PTPRE: variants seen among roughly 807,000 people sequenced by gnomAD.
PTPRE encodes receptor-type tyrosine-protein phosphatase epsilon.
Under a neutral mutation model 102.0 loss-of-function variants are expected in PTPRE, and 51 were observed. The ratio of observed to expected loss-of-function variants is 0.50; its 90% CI spans 0.40 to 0.63. The LOEUF is 0.63. PTPRE is among the 30% of genes least tolerant of loss of function. The pLI is 0.00. For missense variants in PTPRE, 752 were observed against 915.1 expected, an observed-to-expected ratio of 0.82 and a Z score of 2.30; for synonymous variants, 345 against 348.2, an observed-to-expected ratio of 0.99 and a Z score of 0.10.
intron 6 of PTPRE, among the ~76,000 whole-genome samples, chr10:128,050,174 A>ATGGGTGGG (rs1402522172): frequency 7.1e-5 from 1 of 14,180 alleles, no homozygotes; most frequent in Admixed American, 1.4e-3. Flanking sequence ...GTGTATCAAC[A>ATGGGTGGG]TGGGTGGGTG....
intron 2 of PTPRE, among the ~76,000 whole-genome samples, chr10:127,985,642 A>G (rs1356133482): frequency 6.6e-6 from 1 of 152,218 alleles, no homozygotes; most frequent in Admixed American, 6.5e-5. Flanking sequence ...TACTCTTATT[A>G]TGATCATCAT....
rs1258729815 is a variant in PTPRE, at chr10:127,907,865, CG to C, written c.-31+561del. The stretch of plus-strand genomic sequence containing the variant: ...AGGTGGAGCGGGATGCAGCAGCCGC[CG>C]GGGGTCGGAGATGCGGCAGGGAGAC... On this transcript the variant is annotated intron_variant, in intron 1 of 20. Coordinates refer to ENST00000254667, the MANE Select transcript of PTPRE (RefSeq NM_006504.6). This position sits in a 1 kb window ranked among gnomAD's most constrained non-coding sequence, Gnocchi z 4.8. 3.3e-5 allele frequency among the ~76,000 whole-genome samples: 5 copies of C among 152,324 alleles called. No individual in the cohort carries two copies. The East Asian group carries it at 5.8e-4, about 18-fold the overall frequency.
chr10:127,927,886 A>G (rs1826802580), intron 1 of PTPRE, among the ~76,000 whole-genome samples: 1 of 152,174 alleles, frequency 6.6e-6, no homozygotes, highest in Non-Finnish European at 1.5e-5. Flanking sequence ...ATTATTTATT[A>G]TTATTGTACA....
At chr10:127,926,804 CTTTTTTTTT>C (rs150223324) in intron 1 of PTPRE, among the ~76,000 whole-genome samples, 2 of 82,678 alleles carry the variant, frequency 2.4e-5, no homozygotes, top group East Asian at 8.5e-4. Context: ...AGAGAGTTGT[CTTTTTTTTT>C]TTTTTTTTTT....
rs2135730110 is a variant in PTPRE at position 128,028,831 on chromosome 10, TGCCCCGGCCCA to T, written c.-7-12039_-7-12029del. Among the ~76,000 whole-genome samples the T allele has an allele frequency of 6.6e-6, 1 of 152,246 alleles. No individual in the cohort carries two copies. Among genetic ancestry groups the T allele is most frequent in the South Asian group, 2.1e-4 (1 of 4,824 alleles). On this transcript the variant is annotated intron_variant, in intron 2 of 20. Coordinates refer to ENST00000254667, the MANE Select transcript of PTPRE (RefSeq NM_006504.6). This position sits in a 1 kb window ranked among gnomAD's most constrained non-coding sequence, Gnocchi z 4.5. Reference sequence around the variant, plus strand: ...CACCCATGGCCACTCACTTCCACCCTGCCCCGGCCCAGCCCTGGCCACCCCAGACGTCTGGC... The same window carrying T: ...CACCCATGGCCACTCACTTCCACCCTGCCCTGGCCACCCCAGACGTCTGGC...
chr10:127,952,079 C>T (rs61873690), intron 1 of PTPRE, among the ~76,000 whole-genome samples: 6,304 of 152,250 alleles, frequency 0.041, 190 homozygotes, highest in Middle Eastern at 0.068. Context: ...AGCAATATAC[C>T]TTCACTCTCC....
At chr10:128,007,470 A>G (rs538840314) in intron 2 of PTPRE, among the ~76,000 whole-genome samples, 1 of 152,332 alleles carries the variant, frequency 6.6e-6, no homozygotes, top group Admixed American at 6.5e-5. Flanking sequence ...AATATTTCCA[A>G]TGGATTTCTG....
intron 1 of PTPRE, chr10:127,965,032 T>C (rs1413551305): frequency 4.4e-6 from 2 of 456,564 alleles, no homozygotes; most frequent in Admixed American, 4.7e-5. Context: ...GCATCTTTTT[T>C]CCTAATTTCT....
intron 2 of PTPRE, among the ~76,000 whole-genome samples, chr10:128,009,054 C>T (rs1426026567): frequency 6.6e-6 from 1 of 152,206 alleles, no homozygotes; most frequent in Admixed American, 6.5e-5. Flanking sequence ...ACAGTGTCAC[C>T]TCCAACATGG....
In PTPRE at chr10:127,948,219, C is replaced by A. The variant is rs544842066; in HGVS notation, c.-30-34055C>A. On this transcript the variant is annotated intron_variant, in intron 1 of 20. Transcript: ENST00000254667. ...TGGGGATGTGCACACACCATCACCC[C>A]CTCCTTTTTTTTTGTTTAAGAGAGA... Among the ~76,000 whole-genome samples the A allele has an allele frequency of 3.9e-5, 6 of 152,196 alleles. No individual in the cohort carries two copies. In the East Asian group the frequency reaches 1.2e-3, roughly 29 times the overall value.
At chr10:127,915,037 T>G (rs950480931) in intron 1 of PTPRE, among the ~76,000 whole-genome samples, 2 of 152,228 alleles carry the variant, frequency 1.3e-5, no homozygotes, top group African/African-American at 2.4e-5. Flanking sequence ...TTTATTAAAT[T>G]CGAGGATTTA....
In PTPRE at chr10:128,079,628, G is replaced by A. The variant is rs371709759; in HGVS notation, c.1961G>A (p.Gly654Glu). ...ATTTTGGAGCGAGTAAAAGCCGAGGGACTTTTAGATGTATTTCAAGCTGTG... is the reference window on the plus strand; with the variant it reads ...ATTTTGGAGCGAGTAAAAGCCGAGGAACTTTTAGATGTATTTCAAGCTGTG... ...SNILERVKAEGLLDVFQAVKS... is the reference protein window; with the variant it reads ...SNILERVKAEELLDVFQAVKS... The change falls in exon 20 of 21, where the codon GGA becomes GAA. Residue 654 changes from glycine (G) to glutamate (E), a missense_variant. Transcript: ENST00000254667. 6.2e-6 allele frequency: 10 copies of A among 1,614,030 alleles called. No homozygotes were observed. Among genetic ancestry groups the A allele is most frequent in the Non-Finnish European group, 8.5e-6 (10 of 1,179,988 alleles).
chr10:127,939,379 C>G (rs941972107), intron 1 of PTPRE, among the ~76,000 whole-genome samples: 1 of 152,194 alleles, frequency 6.6e-6, no homozygotes, highest in Non-Finnish European at 1.5e-5. Flanking sequence ...TATTAGTTTT[C>G]ATCTTTGGAA....
In PTPRE at chr10:127,919,778, G is replaced by A. The variant is rs78329332; in HGVS notation, c.-31+12469G>A. On this transcript the variant is annotated intron_variant, in intron 1 of 20. Coordinates refer to ENST00000254667, the MANE Select transcript of PTPRE (RefSeq NM_006504.6). The stretch of plus-strand genomic sequence containing the variant: ...AGGAGATGCTTGAGAAGGCAGTAGC[G>A]TGTGGAAACATCTTATGTGCAGCAT... 9.7e-4 allele frequency among the ~76,000 whole-genome samples: 147 copies of A among 152,292 alleles called. 1 individual carries two copies. Among genetic ancestry groups the A allele is most frequent in the Middle Eastern group, 3.4e-3 (1 of 294 alleles).
rs1157228939 is a variant in PTPRE at position 128,028,709 on chromosome 10, G to A, written c.-7-12166G>A. Among the ~76,000 whole-genome samples the A allele has an allele frequency of 6.6e-6, 1 of 152,100 alleles. No individual in the cohort carries two copies. Among genetic ancestry groups the A allele is most frequent in the African/African-American group, 2.4e-5 (1 of 41,426 alleles). ...TTGGGTTCTGATGCCTTCATTCCCA[G>A]AACACGAAGCCAAGGCCAGGAGTCG... On this transcript the variant is annotated intron_variant, in intron 2 of 20. Coordinates refer to ENST00000254667, the MANE Select transcript of PTPRE (RefSeq NM_006504.6). The surrounding 1 kb of genome is among the most constrained non-coding windows in gnomAD (Gnocchi z 4.5).
At chr10:127,925,724 C>A (rs1043695461) in intron 1 of PTPRE, among the ~76,000 whole-genome samples, 8 of 152,136 alleles carry the variant, frequency 5.3e-5, no homozygotes, top group African/African-American at 1.9e-4. Flanking sequence ...AGACCAACAT[C>A]TTGGGTAGGA....
chr10:128,020,029 TGTGTGTGTGTGTGTGTGCACGCGCGCAC>T (rs954489998), intron 2 of PTPRE, among the ~76,000 whole-genome samples: 14 of 123,906 alleles, frequency 1.1e-4, no homozygotes, highest in South Asian at 2.6e-4. Context: ...AGGCTGTGTG[TGTGTGTGTGTGTGTGTGCACGCGCGCAC>T]GTGTGTGTGT....
intron 3 of PTPRE, among the ~76,000 whole-genome samples, chr10:128,042,971 A>G (rs1847826642): frequency 6.6e-6 from 1 of 152,248 alleles, no homozygotes; most frequent in African/African-American, 2.4e-5. Context: ...AATGCAAGTT[A>G]AAATGACATT....
intron 1 of PTPRE, among the ~76,000 whole-genome samples, chr10:127,945,702 G>T (rs1429982482): frequency 1.3e-5 from 2 of 152,182 alleles, no homozygotes; most frequent in Admixed American, 1.3e-4. Flanking sequence ...GCTCCAAAGG[G>T]CGGGCCAACA....
Sources: allele counts gnomAD v4.1 joint callset (sites outside exome capture counted in the v4.1 genomes callset), GRCh38; gene constraint gnomAD v4.1.1; non-coding constraint Gnocchi (gnomAD v3.1); transcripts MANE v1.5; gene names NCBI Gene and HGNC (gene_info 2026-07-23, HGNC 2026-07-21).